The following COL27A1 variants were observed in gnomAD, a reference collection of about 807,000 sequenced individuals.
COL27A1 encodes the protein collagen alpha-1(XXVII) chain.
Under a neutral mutation model 251.3 loss-of-function variants are expected in COL27A1, and 106 were observed. The observed-to-expected ratio is 0.42, with a 90% confidence interval of 0.36 to 0.50. The LOEUF is 0.50. Among genes scored for constraint, COL27A1 ranks in the 20% least tolerant of loss-of-function variants. The pLI, the probability that COL27A1 is intolerant of heterozygous loss-of-function variation, is 0.00. For synonymous variants in COL27A1, 1,000 were observed against 986.3 expected (o/e 1.01, Z -0.26); for missense variants, 2,325 against 2,522.8 (o/e 0.92, Z 1.68).
At chr9:114,252,853 C>T in intron 26 of COL27A1, 26 bp from the exon 27 acceptor site, 1 of 1,612,730 alleles carries the variant, frequency 6.2e-7, no homozygotes, top group Non-Finnish European at 8.5e-7. Context: ...TAGCTGATTC[C>T]TCCTTTGTCT....
At chr9:114,282,176 C>A in intron 37 of COL27A1, 101 bp from the exon 38 acceptor site, 1 of 1,047,926 alleles carries the variant, frequency 9.5e-7, no homozygotes, top group Non-Finnish European at 1.5e-6. Context: ...TCGAACCTGG[C>A]CATCTGCCTC....
At chr9:114,309,069 G>T (rs1829261522) in intron 59 of COL27A1, among the ~76,000 whole-genome samples, 191 bp from the exon 60 acceptor site, 1 of 152,156 alleles carries the variant, frequency 6.6e-6, no homozygotes, top group Non-Finnish European at 1.5e-5. Flanking sequence ...ACGCAGCCAA[G>T]AACCTGTAAG....
chr9:114,262,196 G>C (rs1381654256), intron 28 of COL27A1, among the ~76,000 whole-genome samples: 1 of 152,212 alleles, frequency 6.6e-6, no homozygotes, highest in Non-Finnish European at 1.5e-5. Flanking sequence ...AGCTCCGCCA[G>C]GCCTGTGCCC....
intron 14 of COL27A1, among the ~76,000 whole-genome samples, chr9:114,224,463 A>G (rs1445030146): frequency 2.0e-5 from 3 of 152,122 alleles, no homozygotes; most frequent in Non-Finnish European, 4.4e-5. Flanking sequence ...AGGCTAAACA[A>G]TTCCCATCCC....
intron 3 of COL27A1, among the ~76,000 whole-genome samples, 183 bp downstream of exon 3, chr9:114,169,646 C>T (rs1260215474): frequency 6.6e-6 from 1 of 152,228 alleles, no homozygotes; most frequent in Non-Finnish European, 1.5e-5. Flanking sequence ...GCATCATTGC[C>T]CACCCTGCTC....
intron 34 of COL27A1, among the ~76,000 whole-genome samples, chr9:114,267,871 G>A (rs1588829537): frequency 6.6e-6 from 1 of 152,320 alleles, no homozygotes; most frequent in Non-Finnish European, 1.5e-5. Flanking sequence ...AGAAACAGGT[G>A]CCCATTGATA....
chr9:114,204,375 T>C (rs1298338251), intron 7 of COL27A1, among the ~76,000 whole-genome samples: 2 of 152,160 alleles, frequency 1.3e-5, no homozygotes, highest in Non-Finnish European at 2.9e-5. Flanking sequence ...TCTTATGAAA[T>C]GGCTCAGGTG....
intron 14 of COL27A1, among the ~76,000 whole-genome samples, chr9:114,228,339 A>G (rs1422917516): frequency 3.3e-5 from 5 of 151,612 alleles, no homozygotes; most frequent in Admixed American, 6.6e-5. Flanking sequence ...GCAGAGAAAG[A>G]CTCCTCCAGC....
chr9:114,256,719 GT>G lies in COL27A1; in HGVS notation c.3142-1820del, dbSNP rs1478078347. On this transcript the variant is annotated intron_variant, in intron 27 of 60. Coordinates refer to ENST00000356083, the MANE Select transcript of COL27A1 (RefSeq NM_032888.4). The stretch of plus-strand genomic sequence containing the variant: ...GGGGTAAGGACTCTTCTATCCCCAT[GT>G]TATAGATGACAAAACTGAGGCCCAG... 5.3e-5 allele frequency among the ~76,000 whole-genome samples: 8 copies of G among 152,312 alleles called. No homozygotes were observed. The East Asian group carries it at 1.5e-3, about 29-fold the overall frequency.
At chr9:114,266,804 A>T (rs962095781) in intron 33 of COL27A1, among the ~76,000 whole-genome samples, 186 bp downstream of exon 33, 1 of 152,120 alleles carries the variant, frequency 6.6e-6, no homozygotes, top group Non-Finnish European at 1.5e-5. Context: ...CTGGTGGCAT[A>T]GGTTGAGGAG....
chr9:114,258,545 C>T lies in COL27A1; in HGVS notation c.3146C>T (p.Pro1049Leu). 4 of 1,613,964 alleles carry T rather than the reference C, an allele frequency of 2.5e-6. No homozygotes were observed. The highest frequency in any genetic ancestry group is 3.4e-6 in the Non-Finnish European group (4 of 1,179,964). ...GTPGEPGPQG[P>L]PGSRGPPGMR... Reference sequence around the variant, plus strand: ...AACTCTTTCTCCTCTTCCCAGGGTCCTCCAGGATCTCGAGGCCCACCAGGC... The same window carrying T: ...AACTCTTTCTCCTCTTCCCAGGGTCTTCCAGGATCTCGAGGCCCACCAGGC... The change falls in exon 28 of 61, where the codon CCT becomes CTT. Residue 1049 changes from proline (P) to leucine (L), a missense_variant. Around this residue, in one of 4 missense-constraint regions of COL27A1, gnomAD observed 662 missense variants for 795.3 expected, o/e 0.83. Transcript: ENST00000356083.
intron 41 of COL27A1, among the ~76,000 whole-genome samples, chr9:114,285,793 C>G (rs1827434774): frequency 6.6e-6 from 1 of 152,236 alleles, no homozygotes; most frequent in Non-Finnish European, 1.5e-5. Flanking sequence ...TTAACACAGA[C>G]TCTGAAACAA....
rs1554829390 is a variant in COL27A1 at position 114,307,746 on chromosome 9, C to A, written c.5185C>A (p.Gln1729Lys). Residue 1729 changes from glutamine (Q) to lysine (K), a missense_variant, in exon 59 of 61, where the codon CAG becomes AAG. Coordinates refer to ENST00000356083, the MANE Select transcript of COL27A1 (RefSeq NM_032888.4). ...EVSCNFTHGG[Q>K]TCLKPITASK... ...CTCCTGCAACTTCACTCATGGTGGA[C>A]AGACGTGTCTCAAGCCCATCACGGC... The A allele has an allele frequency of 6.2e-7, 1 of 1,614,134 alleles. No homozygotes were observed. The highest frequency in any genetic ancestry group is 1.1e-5 in the South Asian group (1 of 91,078).
intron 60 of COL27A1, among the ~76,000 whole-genome samples, chr9:114,310,135 G>C (rs1011089968): frequency 1.3e-5 from 2 of 152,038 alleles, no homozygotes; most frequent in Middle Eastern, 3.2e-3. Flanking sequence ...GGGTGGGAGA[G>C]GGGTGAGAGG....
chr9:114,310,727 G>A lies in COL27A1; in HGVS notation c.*32G>A, dbSNP rs748549108. 2.5e-6 allele frequency: 4 copies of A among 1,611,552 alleles called. No individual in the cohort carries two copies. The highest frequency in any genetic ancestry group is 1.7e-4 in the Middle Eastern group (1 of 5,746). On this transcript the variant is annotated 3_prime_UTR_variant, in exon 61 of 61. Transcript: ENST00000356083. Reference sequence around the variant, plus strand: ...ACCTCGTGGCCACTCTAGGCCTCACGGAGGAGGGAAGAGGAAGAGGCAAGG... The same window carrying A: ...ACCTCGTGGCCACTCTAGGCCTCACAGAGGAGGGAAGAGGAAGAGGCAAGG...
At chr9:114,166,398 C>CCGTCCATCCAT (rs1347413059) in intron 2 of COL27A1, among the ~76,000 whole-genome samples, 13 of 144,504 alleles carry the variant, frequency 9.0e-5, no homozygotes, top group African/African-American at 3.1e-4. Context: ...CATCCATCCA[C>CCGTCCATCCAT]CCACCCACCT....
chr9:114,240,435 G>A lies in COL27A1; in HGVS notation c.2783G>A (p.Gly928Asp). The change falls in exon 21 of 61, where the codon GGT (glycine) becomes GAT (aspartate). Residue 928 changes from glycine (G) to aspartate (D), a missense_variant and splice_region_variant. Gly to Asp is a moderately conservative substitution (Grantham distance 94). Transcript: ENST00000356083. Reference protein sequence around the residue: ...PGDNGPEGMKGKPGARGLPGP... With the variant: ...PGDNGPEGMKDKPGARGLPGP... ...CCCTTTTTGTTCCCTTCTCCCCAGG[G>A]TAAGCCTGGAGCCCGAGGCCTGCCG... The A allele has an allele frequency of 6.2e-7, 1 of 1,613,608 alleles. No homozygotes were observed. The highest frequency in any genetic ancestry group is 1.1e-5 in the South Asian group (1 of 91,054).
intron 49 of COL27A1, among the ~76,000 whole-genome samples, chr9:114,294,626 T>C (rs1412737935): frequency 6.6e-6 from 1 of 152,184 alleles, no homozygotes; most frequent in Non-Finnish European, 1.5e-5. Flanking sequence ...GGAAAAGCAT[T>C]TGAGAAAAAT....
At chr9:114,166,080 T>G (rs1416099647) in intron 2 of COL27A1, among the ~76,000 whole-genome samples, 1 of 150,812 alleles carries the variant, frequency 6.6e-6, no homozygotes, top group Non-Finnish European at 1.5e-5. Flanking sequence ...ATCCAGCCAG[T>G]CATTATCCAT....
Sources: allele counts gnomAD v4.1 joint callset (sites outside exome capture counted in the v4.1 genomes callset), GRCh38; gene constraint gnomAD v4.1.1; regional missense constraint gnomAD v4.1.1; transcripts MANE v1.5; gene names NCBI Gene and HGNC (gene_info 2026-07-23, HGNC 2026-07-21).